FRYL: variants seen among roughly 807,000 people sequenced by gnomAD.
The protein encoded by FRYL is protein furry homolog-like.
In FRYL, 150 loss-of-function variants were observed where a neutral mutation model predicts 351.2. The observed-to-expected ratio is 0.43, with a 90% confidence interval of 0.37 to 0.49. FRYL has a LOEUF of 0.49. Among genes scored for constraint, FRYL ranks in the 20% least tolerant of loss-of-function variants. FRYL has a pLI of 0.00. For synonymous variants in FRYL, 1,153 were observed against 1,257.1 expected (o/e 0.92, Z 1.75); for missense variants, 3,036 against 3,619.3 (o/e 0.84, Z 4.13).
intron 1 of FRYL, among the ~76,000 whole-genome samples, chr4:48,775,147 C>A (rs1192926073): frequency 3.3e-5 from 5 of 152,230 alleles, no homozygotes; most frequent in Non-Finnish European, 7.3e-5. Flanking sequence ...TCAAGAGGTT[C>A]CATGGACCTT....
chr4:48,712,255 C>G (rs538244185), intron 1 of FRYL, among the ~76,000 whole-genome samples: 3 of 151,906 alleles, frequency 2.0e-5, no homozygotes, highest in African/African-American at 7.3e-5. Flanking sequence ...AGGCTTCAGA[C>G]GATCAAACTA....
chr4:48,655,199 A>AT (rs1758576947), intron 3 of FRYL, among the ~76,000 whole-genome samples: 1 of 152,080 alleles, frequency 6.6e-6, no homozygotes, highest in Non-Finnish European at 1.5e-5. Context: ...TTGAAGGTAT[A>AT]TTTTTTCTCA....
chr4:48,610,777 AATAT>A (rs1284390298), intron 7 of FRYL, among the ~76,000 whole-genome samples: 1 of 146,558 alleles, frequency 6.8e-6, no homozygotes, highest in Admixed American at 6.9e-5. Context: ...ATATATGTTC[AATAT>A]ATTGTATATA....
chr4:48,624,507 T>C (rs566901343), intron 4 of FRYL, among the ~76,000 whole-genome samples: 1 of 152,116 alleles, frequency 6.6e-6, no homozygotes, highest in Non-Finnish European at 1.5e-5. Flanking sequence ...AAAATTAGTA[T>C]AGAAAGATCA....
chr4:48,637,762 G>A (rs1450378506), intron 3 of FRYL: 1 of 151,842 alleles, frequency 6.6e-6, no homozygotes, highest in East Asian at 1.9e-4. Flanking sequence ...CAGTATTTTT[G>A]GATGGCTTAC....
intron 9 of FRYL, among the ~76,000 whole-genome samples, chr4:48,606,905 T>C (rs1337513762): frequency 6.6e-6 from 1 of 152,120 alleles, no homozygotes; most frequent in Non-Finnish European, 1.5e-5. Flanking sequence ...TAGAATAATA[T>C]CAAATAACCA....
chr4:48,755,937 A>T (rs1409354818), intron 1 of FRYL, among the ~76,000 whole-genome samples: 1 of 144,196 alleles, frequency 6.9e-6, no homozygotes, highest in African/African-American at 2.5e-5. Context: ...AAATTCAATT[A>T]AAAAAAAAAA....
At chr4:48,578,371 G>A (rs1392995841) in intron 23 of FRYL, among the ~76,000 whole-genome samples, 1 of 152,052 alleles carries the variant, frequency 6.6e-6, no homozygotes, top group Non-Finnish European at 1.5e-5. Flanking sequence ...TCTGTAAGGA[G>A]AAATCAGGAA....
chr4:48,548,666 G>T (rs763774581), intron 40 of FRYL, 24 bp downstream of exon 40: 13 of 1,226,574 alleles, frequency 1.1e-5, no homozygotes, highest in Non-Finnish European at 1.6e-5. Flanking sequence ...TAACATGAAA[G>T]AATTAGAACC....
At chr4:48,535,586 TACACACAC>T (rs3838234) in intron 48 of FRYL, 63 bp downstream of exon 48, 6 of 458,300 alleles carry the variant, frequency 1.3e-5, no homozygotes, top group Middle Eastern at 5.7e-4. Context: ...TATATACACA[TACACACAC>T]ACACACACAC....
intron 53 of FRYL, among the ~76,000 whole-genome samples, chr4:48,524,630 G>A (rs1342426601): frequency 6.6e-6 from 1 of 152,112 alleles, no homozygotes; most frequent in East Asian, 1.9e-4. Context: ...GCGTAATTAT[G>A]AGGGATAAAT....
chr4:48,583,805 C>T (rs1560657732), intron 19 of FRYL, among the ~76,000 whole-genome samples: 2 of 150,836 alleles, frequency 1.3e-5, no homozygotes, highest in Non-Finnish European at 1.5e-5. Context: ...CTCAGGAGGC[C>T]GAGGCAGGAG....
chr4:48,774,010 C>G (rs1442235688), intron 1 of FRYL, among the ~76,000 whole-genome samples: 1 of 152,168 alleles, frequency 6.6e-6, no homozygotes, highest in Non-Finnish European at 1.5e-5. Flanking sequence ...ACAGTACTTA[C>G]ACACATTGAG....
chr4:48,719,894 G>T (rs1025708450), intron 1 of FRYL, among the ~76,000 whole-genome samples: 7 of 151,582 alleles, frequency 4.6e-5, no homozygotes, highest in Non-Finnish European at 1.0e-4. Flanking sequence ...GCTCACGCCT[G>T]TAATCCCAGC....
chr4:48,505,317 G>A (rs1194411481), intron 60 of FRYL: 4 of 566,136 alleles, frequency 7.1e-6, no homozygotes, highest in African/African-American at 3.8e-5. Flanking sequence ...TCTATTGGAT[G>A]TTATTAAGCT....
chr4:48,585,657 G>A (rs200095951), intron 19 of FRYL, among the ~76,000 whole-genome samples: 1 of 152,146 alleles, frequency 6.6e-6, no homozygotes, highest in Non-Finnish European at 1.5e-5. Flanking sequence ...GGCTGCTTTT[G>A]TACTATAATG....
intron 2 of FRYL, among the ~76,000 whole-genome samples, chr4:48,707,280 A>C (rs1767474527): frequency 6.6e-6 from 1 of 152,210 alleles, no homozygotes; most frequent in African/African-American, 2.4e-5. Flanking sequence ...CAAGGAAAAA[A>C]AGTACACAGA....
intron 1 of FRYL, among the ~76,000 whole-genome samples, chr4:48,754,737 G>A (rs539322611): frequency 6.8e-6 from 1 of 146,864 alleles, no homozygotes; most frequent in Non-Finnish European, 1.5e-5. Context: ...GCATGATCTT[G>A]GCGCACTGCA....
intron 3 of FRYL, among the ~76,000 whole-genome samples, chr4:48,650,798 T>C (rs1359389485): frequency 2.0e-5 from 3 of 152,106 alleles, no homozygotes; most frequent in Non-Finnish European, 4.4e-5. Context: ...AGGACCAATA[T>C]GGAAGCTGTG....
Sources: gnomAD v4.1 joint callset for allele counts (sites outside exome capture counted in the v4.1 genomes callset) on GRCh38, gnomAD v4.1.1 for gene constraint, MANE v1.5 for transcripts, NCBI Gene and HGNC (gene_info 2026-07-23, HGNC 2026-07-21) for gene names.